Variants in CLASP1 observed in about 807,000 individuals in gnomAD.
CLASP1 encodes CLIP-associating protein 1.
CLASP1 carries 38 observed loss-of-function variants against 192.3 expected under a neutral mutation model. The ratio of observed to expected loss-of-function variants is 0.20; its 90% confidence interval spans 0.15 to 0.26. The LOEUF (loss-of-function observed/expected upper bound fraction) is 0.26, where lower values mean the gene tolerates loss of function less well. Among genes scored for constraint, CLASP1 ranks in the 10% least tolerant of loss-of-function variants. The pLI is 1.00. For synonymous variants in CLASP1, 691 were observed against 712.8 expected (o/e 0.97, Z 0.49); for missense variants, 1,433 against 1,932.5 (o/e 0.74, Z 4.85).
intron 8 of CLASP1, among the ~76,000 whole-genome samples, chr2:121,487,353 A>G (rs1466549296): frequency 6.6e-6 from 1 of 152,028 alleles, no homozygotes; most frequent in Non-Finnish European, 1.5e-5. Flanking sequence ...GACCTGTTTT[A>G]AATACATGAA....
chr2:121,396,201 G>T (rs541281516), intron 30 of CLASP1, among the ~76,000 whole-genome samples: 1 of 152,250 alleles, frequency 6.6e-6, no homozygotes, highest in East Asian at 1.9e-4. Context: ...CTAGAACCTG[G>T]GTATAAGTTA....
At chr2:121,639,154 G>A (rs1377416399) in intron 1 of CLASP1, among the ~76,000 whole-genome samples, 1 of 152,078 alleles carries the variant, frequency 6.6e-6, no homozygotes, top group African/African-American at 2.4e-5. Flanking sequence ...GTGGGTGCCT[G>A]TAGTCCCAGC....
intron 2 of CLASP1, among the ~76,000 whole-genome samples, chr2:121,588,292 G>A (rs1242262982): frequency 2.0e-5 from 3 of 151,482 alleles, no homozygotes; most frequent in Non-Finnish European, 4.4e-5. Flanking sequence ...TATGTCTGAA[G>A]TCTTAAAGCA....
At chr2:121,445,318 G>A in intron 19 of CLASP1, 1 of 424,798 alleles carries the variant, frequency 2.4e-6, no homozygotes, top group South Asian at 1.9e-5. Context: ...AGGGCAGAGA[G>A]GAGGAACTAG....
At chr2:121,577,472 G>C (rs2060636887) in intron 2 of CLASP1, among the ~76,000 whole-genome samples, 2 of 152,080 alleles carry the variant, frequency 1.3e-5, no homozygotes, top group African/African-American at 4.8e-5. Context: ...CAACAAACAG[G>C]CTATAGAATA....
At chr2:121,460,085 T>A (rs946618298) in exon 12 of CLASP1, 7 of 1,613,372 alleles carry the variant, frequency 4.3e-6, no homozygotes, top group Non-Finnish European at 5.1e-6. Flanking sequence ...GTTATCATAC[T>A]CAGCAGCACC....
At chr2:121,530,868 A>AT (rs759158941) in intron 2 of CLASP1, 80 of 678,706 alleles carry the variant, frequency 1.2e-4, no homozygotes, top group Admixed American at 4.9e-4. Context: ...CAGCCCAGGG[A>AT]CTTTCTATTA....
At chr2:121,474,182 C>A (rs2091254014) in intron 8 of CLASP1, among the ~76,000 whole-genome samples, 1 of 151,886 alleles carries the variant, frequency 6.6e-6, no homozygotes, top group African/African-American at 2.4e-5. Context: ...AGGCCAATAA[C>A]CTGGGGGCCA....
At chr2:121,555,381 T>G (rs1234135753) in intron 2 of CLASP1, among the ~76,000 whole-genome samples, 1 of 152,196 alleles carries the variant, frequency 6.6e-6, no homozygotes, top group African/African-American at 2.4e-5. Context: ...GTCAGGCTCA[T>G]TTGTGACCTC....
At chr2:121,425,339 G>C (rs758154983) in intron 21 of CLASP1, 33 bp from the exon 22 acceptor site, 3 of 1,594,486 alleles carry the variant, frequency 1.9e-6, no homozygotes, top group Non-Finnish European at 2.6e-6. Flanking sequence ...ATGAATAATA[G>C]ATGTAAATGT....
chr2:121,426,707 CAAT>C (rs1217693571), intron 21 of CLASP1, among the ~76,000 whole-genome samples: 2 of 152,028 alleles, frequency 1.3e-5, no homozygotes, highest in African/African-American at 4.8e-5. Context: ...GAGAAGTATG[CAAT>C]AAAACTGGAA....
rs570211813 is a variant in CLASP1 at position 121,557,810 on chromosome 2, C to T, written c.196-27485G>A. 2.1e-3 allele frequency among the ~76,000 whole-genome samples: 310 copies of T among 151,120 alleles called. 1 individual carries two copies. Among genetic ancestry groups the T allele is most frequent in the African/African-American group, 6.1e-3 (251 of 41,222 alleles). ...ATACCTATTATGTGTAGGCTGGGCA[C>T]GGTGGCTCATGCCTGTAATCCTAGC... On this transcript the variant is annotated intron_variant, in intron 2 of 39. Coordinates refer to ENST00000263710, the Ensembl canonical transcript of CLASP1.
At chr2:121,456,246 TC>T (rs1214988990) in intron 14 of CLASP1, among the ~76,000 whole-genome samples, 26 of 150,864 alleles carry the variant, frequency 1.7e-4, no homozygotes, top group African/African-American at 6.4e-4. Flanking sequence ...ACATCTATAA[TC>T]CCAGCACTTT....
intron 22 of CLASP1, among the ~76,000 whole-genome samples, chr2:121,424,859 CCTG>C (rs2080116752): frequency 6.6e-6 from 1 of 152,050 alleles, no homozygotes; most frequent in Non-Finnish European, 1.5e-5. Context: ...GGGGAAACAC[CCTG>C]CTATTTCCCC....
chr2:121,629,800 T>C (rs1054320612), intron 1 of CLASP1, among the ~76,000 whole-genome samples: 6 of 151,830 alleles, frequency 4.0e-5, no homozygotes, highest in African/African-American at 1.5e-4. Context: ...TCAAAAAAAA[T>C]AAAAAAGCAA....
chr2:121,581,465 G>A (rs933932613), intron 2 of CLASP1, among the ~76,000 whole-genome samples: 25 of 151,442 alleles, frequency 1.7e-4, no homozygotes, highest in African/African-American at 6.1e-4. Context: ...TAGTAGAGAC[G>A]GGGTTTCACC....
Position 121,581,260 on chromosome 2 carries a change from C to CTTTTTTTTTTTTTTTTTTT in CLASP1, c.195+24422_195+24440dup, listed in dbSNP as rs60345742. 1.0e-3 allele frequency among the ~76,000 whole-genome samples: 60 copies of CTTTTTTTTTTTTTTTTTTT among 57,664 alleles called. 4 individuals carry two copies. Among genetic ancestry groups the CTTTTTTTTTTTTTTTTTTT allele is most frequent in the East Asian group, 3.6e-3 (6 of 1,656 alleles). 37.8% of individuals were successfully genotyped at this position (57,664 alleles called of 152,430 possible). On this transcript the variant is annotated intron_variant, in intron 2 of 39. Coordinates refer to ENST00000263710, the Ensembl canonical transcript of CLASP1. ...TCTGCCTCCCAAAAGGCCTTTTGTT[C>CTTTTTTTTTTTTTTTTTTT]TTTTTTTTTTTTTTTTTTTTTTTTT...
chr2:121,546,228 G>A (rs897211417), intron 2 of CLASP1, among the ~76,000 whole-genome samples: 2 of 151,932 alleles, frequency 1.3e-5, no homozygotes, highest in Non-Finnish European at 2.9e-5. Flanking sequence ...AAATAACTTG[G>A]CAGTTTCTTT....
chr2:121,340,995 A>G (rs754067449), intron 39 of CLASP1, 48 bp from the exon 41 acceptor site: 3 of 1,318,840 alleles, frequency 2.3e-6, no homozygotes, highest in Non-Finnish European at 2.1e-6. Flanking sequence ...AAGCAATCAG[A>G]AAGTAGAAAA....
Sources: allele counts gnomAD v4.1 joint callset (sites outside exome capture counted in the v4.1 genomes callset), GRCh38; gene constraint gnomAD v4.1.1; transcripts MANE v1.5; gene names NCBI Gene and HGNC (gene_info 2026-07-23, HGNC 2026-07-21).